The following HTR4 variants were observed in gnomAD, a reference collection of about 807,000 sequenced individuals.
HTR4 encodes the protein 5-hydroxytryptamine receptor 4.
Under a neutral mutation model 36.8 loss-of-function variants are expected in HTR4, and 16 were observed. The observed-to-expected ratio is 0.43, with a 90% confidence interval of 0.29 to 0.66. The LOEUF (loss-of-function observed/expected upper bound fraction) is 0.66, where lower values mean the gene tolerates loss of function less well. Among genes scored for constraint, HTR4 ranks in the 30% least tolerant of loss-of-function variants. HTR4 has a pLI of 0.13. For missense variants in HTR4, 438 were observed against 490.9 expected, an observed-to-expected ratio of 0.89 and a Z score of 1.02; for synonymous variants, 189 against 185.1, an observed-to-expected ratio of 1.02 and a Z score of -0.17.
chr5:148,480,411 C>T (rs1755838012), downstream of HTR4, among the ~76,000 whole-genome samples: 1 of 152,204 alleles, frequency 6.6e-6, no homozygotes, highest in East Asian at 1.9e-4. Context: ...TGGAGTCTCA[C>T]TCTATTGCCC....
intron 2 of HTR4, among the ~76,000 whole-genome samples, chr5:148,575,579 C>T (rs1378680199): frequency 6.6e-6 from 1 of 151,870 alleles, no homozygotes; most frequent in African/African-American, 2.4e-5. Context: ...GGCACAGAAC[C>T]TAAAGAAACT....
At chr5:148,451,685 G>C (rs759352388) in intron 5 of HTR4, among the ~76,000 whole-genome samples, 1 of 152,138 alleles carries the variant, frequency 6.6e-6, no homozygotes, top group Non-Finnish European at 1.5e-5. Context: ...TGATTGAGAT[G>C]AATAAACCAC....
chr5:148,455,230 G>A (rs1485887550), intron 5 of HTR4, among the ~76,000 whole-genome samples: 4 of 152,208 alleles, frequency 2.6e-5, no homozygotes, highest in Non-Finnish European at 5.9e-5. Flanking sequence ...AACATGCATG[G>A]TGCCCGTACC....
At chr5:148,549,278 A>C (rs935002088) in intron 3 of HTR4, among the ~76,000 whole-genome samples, 4 of 152,250 alleles carry the variant, frequency 2.6e-5, no homozygotes, top group South Asian at 2.1e-4. Context: ...ATTCTCAGGA[A>C]ACTCTCCCAA....
rs78110552 is a variant in HTR4 at position 148,567,650 on chromosome 5, G to A, written c.27-17388C>T. Among the ~76,000 whole-genome samples the A allele has an allele frequency of 9.3e-3, 1,420 of 152,132 alleles. 20 individuals are homozygous for A. The highest frequency in any genetic ancestry group is 0.031 in the African/African-American group (1,285 of 41,518). ...TGTATTTCTCCAATATGTCAAGTGC[G>A]CTCTGACCTGTGCGCCTGTTGTGTT... On this transcript the variant is annotated intron_variant, in intron 2 of 6. Transcript: ENST00000377888.
In HTR4 at chr5:148,644,438, T is replaced by G. The variant is rs1481450985; in HGVS notation, c.-47-7377A>C. ...AGCTCACAAGTTTTTTTTTTTTTTT[T>G]TTTTTTTTTTTTTTTTTGCTGGAAA... On this transcript the variant is annotated intron_variant, in intron 1 of 6. Transcript: ENST00000377888. Among the ~76,000 whole-genome samples, 4 of 142,544 alleles carry G rather than the reference T, an allele frequency of 2.8e-5. No individual in the cohort carries two copies. The East Asian group carries it at 8.1e-4, about 29-fold the overall frequency. The allele number at this position is 142,544 out of a possible 152,430, so 93.5% of individuals were successfully genotyped here. A position where few individuals can be genotyped will look rare whatever the true frequency, so the allele number is the denominator to read the frequency against.
intron 1 of HTR4, among the ~76,000 whole-genome samples, chr5:148,642,545 C>T (rs759308719): frequency 3.9e-5 from 6 of 152,118 alleles, no homozygotes; most frequent in Non-Finnish European, 8.8e-5. Flanking sequence ...CACCTCACTG[C>T]TATAACCTAC....
intron 2 of HTR4, among the ~76,000 whole-genome samples, chr5:148,566,677 T>TA (rs1760453272): frequency 6.6e-6 from 1 of 152,166 alleles, no homozygotes; most frequent in Non-Finnish European, 1.5e-5. Flanking sequence ...AACACTGAAA[T>TA]GCAAATCTGG....
intron 6 of HTR4, among the ~76,000 whole-genome samples, chr5:148,490,131 A>G (rs1427575542): frequency 6.7e-6 from 1 of 148,788 alleles, no homozygotes; most frequent in Middle Eastern, 3.3e-3. Context: ...AAATGTATAT[A>G]TACATATACA....
At chr5:148,618,303 G>A (rs557213425) in intron 2 of HTR4, among the ~76,000 whole-genome samples, 24 of 152,224 alleles carry the variant, frequency 1.6e-4, no homozygotes, top group Admixed American at 9.1e-4. Context: ...GGTTCTATCC[G>A]CAAGGATACT....
intron 2 of HTR4, among the ~76,000 whole-genome samples, chr5:148,630,694 A>G (rs1753291584): frequency 6.6e-6 from 1 of 152,150 alleles, no homozygotes; most frequent in African/African-American, 2.4e-5. Flanking sequence ...TCTACCTCTC[A>G]TGATACTCGT....
At chr5:148,604,675 A>T (rs1015660676) in intron 2 of HTR4, among the ~76,000 whole-genome samples, 2 of 152,224 alleles carry the variant, frequency 1.3e-5, no homozygotes, top group Admixed American at 1.3e-4. Flanking sequence ...CATGAAAATG[A>T]ATTAATCACT....
At chr5:148,561,157 G>C (rs1760186839) in intron 2 of HTR4, among the ~76,000 whole-genome samples, 1 of 152,170 alleles carries the variant, frequency 6.6e-6, no homozygotes, top group Admixed American at 6.6e-5. Context: ...AACATGCAGA[G>C]TAAAATTCTT....
chr5:148,626,753 AG>A (rs1193205933), intron 2 of HTR4, among the ~76,000 whole-genome samples: 2 of 152,168 alleles, frequency 1.3e-5, no homozygotes, highest in Non-Finnish European at 2.9e-5. Context: ...ATTTGGAGAG[AG>A]GTTTACCTTT....
At chr5:148,547,343 C>G (rs1759427509) in intron 4 of HTR4, among the ~76,000 whole-genome samples, 1 of 151,832 alleles carries the variant, frequency 6.6e-6, no homozygotes, top group Non-Finnish European at 1.5e-5. Flanking sequence ...GTCGGTGAAA[C>G]CCCGTCTCTA....
At chr5:148,639,643 A>ATATG (rs994667548) in intron 1 of HTR4, among the ~76,000 whole-genome samples, 1 of 146,582 alleles carries the variant, frequency 6.8e-6, no homozygotes, top group Non-Finnish European at 1.5e-5. Flanking sequence ...ATATATATAT[A>ATATG]TAGTCAATTG....
chr5:148,578,594 ACG>A (rs1344056061), intron 2 of HTR4, among the ~76,000 whole-genome samples: 9 of 152,134 alleles, frequency 5.9e-5, no homozygotes, highest in Non-Finnish European at 1.3e-4. Context: ...TTTGAGGCAG[ACG>A]GTATAATCGC....
intron 5 of HTR4, among the ~76,000 whole-genome samples, chr5:148,463,165 CTTTTTTTTTTTTTT>C (rs71001490): frequency 3.1e-5 from 2 of 64,152 alleles, no homozygotes; most frequent in East Asian, 1.1e-3. Context: ...CTTTTTTTTT[CTTTTTTTTTTTTTT>C]TTTTTTTTTT....
chr5:148,594,639 C>G (rs1406194404), intron 2 of HTR4, among the ~76,000 whole-genome samples: 1 of 152,006 alleles, frequency 6.6e-6, no homozygotes, highest in Admixed American at 6.6e-5. Context: ...CTCCTATCTA[C>G]CCGCAACACC....
Sources: gnomAD v4.1 joint callset for allele counts (sites outside exome capture counted in the v4.1 genomes callset) on GRCh38, gnomAD v4.1.1 for gene constraint, MANE v1.5 for transcripts, NCBI Gene and HGNC (gene_info 2026-07-23, HGNC 2026-07-21) for gene names.